Variants in AGBL1 observed in about 807,000 individuals in gnomAD.
AGBL1 encodes AGBL carboxypeptidase 1.
AGBL1 carries 130 observed loss-of-function variants against 118.9 expected under a neutral mutation model. The ratio of observed to expected loss-of-function variants is 1.09; its 90% CI spans 0.95 to 1.26. The LOEUF is 1.26. Among genes scored for constraint, AGBL1 ranks in the 50% most tolerant of loss-of-function variants. The pLI, the probability that AGBL1 is intolerant of heterozygous loss-of-function variation, is 0.00. For synonymous variants in AGBL1, 555 were observed against 478.9 expected, an observed-to-expected ratio of 1.16 and a Z score of -2.08; for missense variants, 1,584 against 1,298.1, an observed-to-expected ratio of 1.22 and a Z score of -3.38.
rs2081877541 is a variant in AGBL1 at position 86,427,204 on chromosome 15, G to A, written c.2555+29658G>A. On this transcript the variant is annotated intron_variant, in intron 18 of 22. Transcript: ENST00000614907. ...TGCATAAAAGTATTTTTTATAGGCA[G>A]GAGGGAAAAAGAGGAACAGTTTGTG... is the stretch of plus-strand genomic sequence containing the variant. 3.3e-5 allele frequency among the ~76,000 whole-genome samples: 5 copies of A among 152,134 alleles called. No homozygotes were observed. The South Asian group carries it at 1.0e-3, about 32-fold the overall frequency.
intron 22 of AGBL1, among the ~76,000 whole-genome samples, chr15:86,748,510 C>CTTTTTTTTTTTTCTTTTTTTT (rs2077793233): frequency 1.0e-4 from 1 of 9,754 alleles, no homozygotes; most frequent in Non-Finnish European, 2.7e-4. Flanking sequence ...TCAATTTTGG[C>CTTTTTTTTTTTTCTTTTTTTT]TTTTTTTTTT....
chr15:86,792,323 A>C (rs2078505988), intron 22 of AGBL1, among the ~76,000 whole-genome samples: 1 of 152,134 alleles, frequency 6.6e-6, no homozygotes, highest in African/African-American at 2.4e-5. Context: ...TAGATTCTAG[A>C]ATAATTTGTT....
intron 22 of AGBL1, among the ~76,000 whole-genome samples, chr15:86,716,134 A>C (rs1340891185): frequency 6.6e-6 from 1 of 151,910 alleles, no homozygotes; most frequent in Non-Finnish European, 1.5e-5. Context: ...TATTGGTAGT[A>C]ATATCTATAT....
At chr15:86,471,269 T>G (rs977516953) in intron 18 of AGBL1, among the ~76,000 whole-genome samples, 1 of 152,222 alleles carries the variant, frequency 6.6e-6, no homozygotes, top group African/African-American at 2.4e-5. Flanking sequence ...TGTTGAATTT[T>G]GTCAAATGCT....
chr15:86,702,958 G>A (rs910815643), intron 22 of AGBL1, among the ~76,000 whole-genome samples: 1 of 152,062 alleles, frequency 6.6e-6, no homozygotes, highest in African/African-American at 2.4e-5. Flanking sequence ...TGACCCCTGG[G>A]ACACTTCAAC....
intron 18 of AGBL1, among the ~76,000 whole-genome samples, chr15:86,452,965 T>C (rs974807722): frequency 7.2e-5 from 11 of 152,202 alleles, no homozygotes; most frequent in Non-Finnish European, 5.9e-5. Context: ...TTGTCTGATA[T>C]TATAAAGTGC....
chr15:87,017,376 A>G (rs951671143), intron 24 of AGBL1, among the ~76,000 whole-genome samples: 3 of 152,072 alleles, frequency 2.0e-5, no homozygotes, highest in Non-Finnish European at 2.9e-5. Context: ...TTTAGATACA[A>G]TTTGGGCTGG....
chr15:86,536,260 TG>T (rs1195913788), intron 19 of AGBL1, among the ~76,000 whole-genome samples: 1 of 152,222 alleles, frequency 6.6e-6, no homozygotes, highest in Non-Finnish European at 1.5e-5. Flanking sequence ...CTCTCAACAG[TG>T]TCTTCAATGT....
At chr15:86,377,428 C>A (rs1038662182) in intron 17 of AGBL1, among the ~76,000 whole-genome samples, 10 of 152,102 alleles carry the variant, frequency 6.6e-5, no homozygotes, top group African/African-American at 2.4e-4. Context: ...TTCTCACGGC[C>A]TGAAGACTGG....
chr15:86,433,308 A>T (rs1596108918), intron 18 of AGBL1, among the ~76,000 whole-genome samples: 1 of 99,262 alleles, frequency 1.0e-5, no homozygotes, highest in African/African-American at 4.4e-5. Context: ...TTGGCCACAT[A>T]GTTAATGGAT....
At chr15:86,411,287 T>C (rs1478947936) in intron 18 of AGBL1, among the ~76,000 whole-genome samples, 1 of 151,888 alleles carries the variant, frequency 6.6e-6, no homozygotes, top group Non-Finnish European at 1.5e-5. Context: ...CTGGGGTGGG[T>C]ACCCAAGCCT....
chr15:86,113,763 C>A (rs556286447), intron 1 of AGBL1, among the ~76,000 whole-genome samples: 5 of 152,302 alleles, frequency 3.3e-5, no homozygotes, highest in African/African-American at 1.2e-4. Flanking sequence ...GCGAAGTGAA[C>A]AAATAGGGAA....
intron 5 of AGBL1, among the ~76,000 whole-genome samples, chr15:86,220,286 A>G (rs191732959): frequency 2.4e-4 from 37 of 152,072 alleles, no homozygotes; most frequent in Non-Finnish European, 5.0e-4. Context: ...AAACTTGGGA[A>G]GATTATTTAA....
At chr15:86,210,184 G>T (rs1004335600) in intron 5 of AGBL1, among the ~76,000 whole-genome samples, 1 of 152,274 alleles carries the variant, frequency 6.6e-6, no homozygotes, top group African/African-American at 2.4e-5. Context: ...CAGGAGATCC[G>T]CTGTTAGTCT....
At chr15:86,569,800 C>T (rs545586323) in intron 21 of AGBL1, among the ~76,000 whole-genome samples, 15 of 152,290 alleles carry the variant, frequency 9.8e-5, no homozygotes, top group East Asian at 1.9e-4. Flanking sequence ...GAAATTTAAA[C>T]GCCCATCGTA....
At position 86,179,900 on chromosome 15, in the gene AGBL1, A is replaced by G. The variant is rs566460982; in HGVS notation, c.488+20874A>G. 9.8e-5 allele frequency among the ~76,000 whole-genome samples: 15 copies of G among 152,314 alleles called. No individual in the cohort carries two copies. The South Asian group carries it at 2.9e-3, about 29-fold the overall frequency. ...AAAATTTATATTTCTACATAGTGCA[A>G]CAAATTATTGGAAATACATCACTGA... On this transcript the variant is annotated intron_variant, in intron 5 of 22. Coordinates refer to ENST00000614907, the MANE Select transcript of AGBL1 (RefSeq NM_001386094.1).
At chr15:86,979,613 G>A (rs770641177) in intron 23 of AGBL1, among the ~76,000 whole-genome samples, 48 of 151,438 alleles carry the variant, frequency 3.2e-4, no homozygotes, top group African/African-American at 7.3e-4. Context: ...CTCAGCCTCC[G>A]GAGTAGCTGC....
chr15:86,110,714 C>T (rs1897326816), intron 1 of AGBL1, among the ~76,000 whole-genome samples: 2 of 152,108 alleles, frequency 1.3e-5, no homozygotes, highest in African/African-American at 4.8e-5. Flanking sequence ...GATTTCCCAT[C>T]TTTGAAGTGA....
chr15:86,580,053 A>G (rs983983506), intron 21 of AGBL1, among the ~76,000 whole-genome samples: 21 of 152,190 alleles, frequency 1.4e-4, no homozygotes, highest in Admixed American at 1.3e-4. Context: ...GTTTGGCTTG[A>G]TAGATAAAGT....
Sources: allele counts gnomAD v4.1 joint callset (sites outside exome capture counted in the v4.1 genomes callset), GRCh38; gene constraint gnomAD v4.1.1; transcripts MANE v1.5; gene names NCBI Gene and HGNC (gene_info 2026-07-23, HGNC 2026-07-21).